The following GPR158 variants were observed in gnomAD, a reference collection of about 807,000 sequenced individuals.
The protein encoded by GPR158 is metabotropic glycine receptor.
A neutral mutation model predicts 78.2 loss-of-function variants in GPR158; 30 were observed. The observed-to-expected ratio is 0.38, with a 90% CI of 0.29 to 0.52. The LOEUF is 0.52. GPR158 is among the 20% of genes least tolerant of loss of function. The probability of loss-of-function intolerance (pLI) is 0.83; values close to 1 mark genes in which losing one functional copy is unlikely to be tolerated. For missense variants in GPR158, 1,463 were observed against 1,523.5 expected, an observed-to-expected ratio of 0.96 and a Z score of 0.66; for synonymous variants, 581 against 591.1, an observed-to-expected ratio of 0.98 and a Z score of 0.25.
At chr10:25,547,726 C>T (rs1836681244) in intron 5 of GPR158, among the ~76,000 whole-genome samples, 1 of 152,202 alleles carries the variant, frequency 6.6e-6, no homozygotes, top group Non-Finnish European at 1.5e-5. Context: ...TTCCTGGATT[C>T]AGATCCTGGC....
At chr10:25,445,803 T>C (rs1285105776) in intron 4 of GPR158, among the ~76,000 whole-genome samples, 1 of 152,068 alleles carries the variant, frequency 6.6e-6, no homozygotes, top group Admixed American at 6.6e-5. Flanking sequence ...AGGAGGACTC[T>C]CAGAGTTCTA....
intron 2 of GPR158, among the ~76,000 whole-genome samples, chr10:25,322,098 T>TA (rs1854957300): frequency 6.6e-6 from 1 of 152,040 alleles, no homozygotes; most frequent in East Asian, 1.9e-4. Flanking sequence ...AAATCACAGA[T>TA]ACGGCCAGGC....
At position 25,575,510 on chromosome 10, in the gene GPR158, A is replaced by G. The variant is rs1327656913; in HGVS notation, c.1753+2623A>G. 2.6e-5 allele frequency among the ~76,000 whole-genome samples: 4 copies of G among 152,082 alleles called. No homozygotes were observed. In the East Asian group the frequency reaches 7.7e-4, roughly 29 times the overall value. ...TCTCAGAGCTCACTCTGACTTCCTCAATCAGACACTCCCGGATAGTGGAGC... is the reference window on the plus strand; with the variant it reads ...TCTCAGAGCTCACTCTGACTTCCTCGATCAGACACTCCCGGATAGTGGAGC... On this transcript the variant is annotated intron_variant, in intron 7 of 10. Transcript: ENST00000376351.
At chr10:25,398,839 C>CCT (rs1324124544) in intron 3 of GPR158, among the ~76,000 whole-genome samples, 1 of 152,148 alleles carries the variant, frequency 6.6e-6, no homozygotes, top group Non-Finnish European at 1.5e-5. Flanking sequence ...GACCAACCTT[C>CCT]CTCACTGACA....
intron 4 of GPR158, among the ~76,000 whole-genome samples, chr10:25,416,131 C>T (rs1030265204): frequency 2.6e-5 from 4 of 152,090 alleles, no homozygotes; most frequent in African/African-American, 9.7e-5. Flanking sequence ...TTAGTCTTCA[C>T]TAGGTGTTTG....
chr10:25,579,000 A>G (rs1489842810), intron 7 of GPR158, among the ~76,000 whole-genome samples: 6 of 151,244 alleles, frequency 4.0e-5, no homozygotes, highest in African/African-American at 1.5e-4. Flanking sequence ...ACAGAGCAAG[A>G]CTCCGTCTCA....
chr10:25,249,773 C>CT (rs916503646), intron 2 of GPR158, among the ~76,000 whole-genome samples: 20 of 152,188 alleles, frequency 1.3e-4, no homozygotes, highest in Non-Finnish European at 2.2e-4. Context: ...CTAAAATTCT[C>CT]TTTTTTTGTT....
intron 2 of GPR158, among the ~76,000 whole-genome samples, chr10:25,277,905 A>G (rs1854207123): frequency 6.6e-6 from 1 of 152,162 alleles, no homozygotes; most frequent in South Asian, 2.1e-4. Context: ...TGGAGTTTGA[A>G]TTTAAATGGC....
At chr10:25,333,349 T>C (rs1322956570) in intron 2 of GPR158, among the ~76,000 whole-genome samples, 1 of 152,220 alleles carries the variant, frequency 6.6e-6, no homozygotes, top group Non-Finnish European at 1.5e-5. Flanking sequence ...CCCACACTTC[T>C]GCATGTGGTC....
intron 2 of GPR158, among the ~76,000 whole-genome samples, chr10:25,262,598 C>A (rs540063502): frequency 1.1e-4 from 16 of 151,952 alleles, no homozygotes; most frequent in African/African-American, 3.1e-4. Context: ...AGGTTCAAAC[C>A]AAAATGAGTG....
At chr10:25,256,656 G>A (rs1331856596) in intron 2 of GPR158, among the ~76,000 whole-genome samples, 1 of 152,086 alleles carries the variant, frequency 6.6e-6, no homozygotes, top group African/African-American at 2.4e-5. Flanking sequence ...CTGCACTTCA[G>A]TCTAGGTGAC....
At chr10:25,396,892 C>G (rs1176497238) in intron 3 of GPR158, among the ~76,000 whole-genome samples, 1 of 152,138 alleles carries the variant, frequency 6.6e-6, no homozygotes, top group East Asian at 1.9e-4. Flanking sequence ...GAATTCAGTT[C>G]CTTGCATTTG....
At chr10:25,231,877 A>G (rs1397095791) in intron 2 of GPR158, among the ~76,000 whole-genome samples, 1 of 152,194 alleles carries the variant, frequency 6.6e-6, no homozygotes, top group Non-Finnish European at 1.5e-5. Context: ...ACAAACATGC[A>G]AAATGCTTTG....
At chr10:25,246,164 C>G (rs1284829880) in intron 2 of GPR158, among the ~76,000 whole-genome samples, 1 of 152,148 alleles carries the variant, frequency 6.6e-6, no homozygotes, top group Non-Finnish European at 1.5e-5. Context: ...GGGAAAAGCT[C>G]ATTTACAGTG....
intron 5 of GPR158, among the ~76,000 whole-genome samples, chr10:25,489,660 AGAG>A (rs1006156008): frequency 2.0e-5 from 3 of 152,132 alleles, no homozygotes; most frequent in African/African-American, 7.2e-5. Flanking sequence ...CAGGTCTACC[AGAG>A]GAGATTTCCT....
chr10:25,511,488 G>A (rs1175225464), intron 5 of GPR158, among the ~76,000 whole-genome samples: 1 of 152,016 alleles, frequency 6.6e-6, no homozygotes, highest in Non-Finnish European at 1.5e-5. Flanking sequence ...CCACTCTCTG[G>A]GTTGTCTGTT....
intron 4 of GPR158, among the ~76,000 whole-genome samples, chr10:25,464,683 T>G (rs1055132901): frequency 6.6e-6 from 1 of 152,246 alleles, no homozygotes; most frequent in African/African-American, 2.4e-5. Context: ...GTCTTCTTCA[T>G]CGTACCTTGC....
At chr10:25,329,627 TTTA>T (rs1855090383) in intron 2 of GPR158, among the ~76,000 whole-genome samples, 2 of 151,982 alleles carry the variant, frequency 1.3e-5, no homozygotes, top group Middle Eastern at 3.4e-3. Flanking sequence ...GATTGAATAA[TTTA>T]TTATTCCAGA....
At chr10:25,427,288 T>C (rs1304490274) in intron 4 of GPR158, among the ~76,000 whole-genome samples, 1 of 152,086 alleles carries the variant, frequency 6.6e-6, no homozygotes, top group Non-Finnish European at 1.5e-5. Flanking sequence ...TAAGGAACAA[T>C]CATTATGGAG....
Sources: allele counts gnomAD v4.1 joint callset (sites outside exome capture counted in the v4.1 genomes callset), GRCh38; gene constraint gnomAD v4.1.1; transcripts MANE v1.5; gene names NCBI Gene and HGNC (gene_info 2026-07-23, HGNC 2026-07-21).